Variants in COL4A3 observed in about 807,000 individuals in gnomAD.
COL4A3 encodes the protein collagen type IV alpha 3 chain.
A neutral mutation model predicts 217.4 loss-of-function variants in COL4A3; 135 were observed. That is an observed-to-expected ratio of 0.62 (90% CI 0.54 to 0.72). The LOEUF (loss-of-function observed/expected upper bound fraction) is 0.72. COL4A3 is among the 30% of genes least tolerant of loss of function. The probability of loss-of-function intolerance (pLI) is 0.00; values close to 1 mark genes in which losing one functional copy is unlikely to be tolerated. For missense variants in COL4A3, 1,868 were observed against 2,119.9 expected (o/e 0.88, Z 2.33); for synonymous variants, 690 against 736.3 (o/e 0.94, Z 1.02).
At chr2:227,281,931 TG>T (rs2071990617) in intron 31 of COL4A3, 1 of 152,672 alleles carries the variant, frequency 6.5e-6, no homozygotes, top group South Asian at 2.1e-4. Context: ...CATGCGTAAG[TG>T]TGCAGTTACC....
At chr2:227,302,668 C>G (rs2073337501) in intron 43 of COL4A3, among the ~76,000 whole-genome samples, 1 of 54,400 alleles carries the variant, frequency 1.8e-5, no homozygotes, top group Admixed American at 2.7e-4. Context: ...CAAAACGAGA[C>G]TCTTTCTCCA....
At chr2:227,214,433 C>G (rs2067449905) in intron 1 of COL4A3, among the ~76,000 whole-genome samples, 1 of 152,184 alleles carries the variant, frequency 6.6e-6, no homozygotes, top group African/African-American at 2.4e-5. Context: ...TGTATATTCT[C>G]TGATTTAAAC....
rs112197903 is a variant in COL4A3, at chr2:227,287,717, T to G, written c.2882-1433T>G. On this transcript the variant is annotated intron_variant, in intron 34 of 51. Coordinates refer to ENST00000396578, the MANE Select transcript of COL4A3 (RefSeq NM_000091.5). ...CCTTCTTCACCCAATTAGTTTTCAT[T>G]TGGTCTTCAAGACTGAGCTAAAAAA... is the stretch of plus-strand genomic sequence containing the variant. Among the ~76,000 whole-genome samples the G allele has an allele frequency of 1.2e-3, 181 of 152,328 alleles. 1 individual carries two copies. Among genetic ancestry groups the G allele is most frequent in the African/African-American group, 4.2e-3 (176 of 41,582 alleles).
At chr2:227,254,965 A>C (rs943421563) in intron 15 of COL4A3, among the ~76,000 whole-genome samples, 1 of 152,226 alleles carries the variant, frequency 6.6e-6, no homozygotes, top group Non-Finnish European at 1.5e-5. Flanking sequence ...TTCTCTCTGC[A>C]TATCAGCCTC....
At chr2:227,217,488 C>A (rs1574594426) in intron 1 of COL4A3, among the ~76,000 whole-genome samples, 2 of 152,104 alleles carry the variant, frequency 1.3e-5, no homozygotes, top group Non-Finnish European at 2.9e-5. Context: ...TGACTGTAGT[C>A]CTGTTTTATT....
intron 11 of COL4A3, among the ~76,000 whole-genome samples, chr2:227,252,001 G>A (rs2069769795): frequency 6.8e-6 from 1 of 147,186 alleles, no homozygotes; most frequent in South Asian, 2.2e-4. Context: ...CCTGGGAGTT[G>A]GAGTTTGCAG....
chr2:227,225,865 C>A (rs1256860743), intron 1 of COL4A3, among the ~76,000 whole-genome samples: 4 of 152,034 alleles, frequency 2.6e-5, no homozygotes, highest in Non-Finnish European at 5.9e-5. Flanking sequence ...TTACACTCCA[C>A]CATGCCCGGC....
intron 50 of COL4A3, 134 bp downstream of exon 50, chr2:227,309,452 G>C: frequency 1.4e-6 from 1 of 720,214 alleles, no homozygotes; most frequent in Non-Finnish European, 2.4e-6. Flanking sequence ...ACATTTCCTT[G>C]AAAATCTACA....
chr2:227,167,266 C>T (rs2065311836), intron 1 of COL4A3, among the ~76,000 whole-genome samples: 3 of 152,192 alleles, frequency 2.0e-5, no homozygotes, highest in Admixed American at 1.3e-4. Flanking sequence ...GAAATAGCAG[C>T]GGTGTTGACT....
intron 1 of COL4A3, among the ~76,000 whole-genome samples, chr2:227,184,848 G>A (rs2065969415): frequency 8.3e-6 from 1 of 120,992 alleles, no homozygotes; most frequent in Non-Finnish European, 1.7e-5. Flanking sequence ...CTAAACTTGT[G>A]TATACATTCT....
In COL4A3 at chr2:227,253,970, G is replaced by C; in HGVS notation, c.766-142G>C. ...AAATTTGAAATGTGAGAAATGGAAGGTGTATTGGGTTGTGTTAACACGAGG... is the reference window on the plus strand; with the variant it reads ...AAATTTGAAATGTGAGAAATGGAAGCTGTATTGGGTTGTGTTAACACGAGG... On this transcript the variant is annotated intron_variant, in intron 13 of 51. Transcript: ENST00000396578. This position sits in a 1 kb window ranked among gnomAD's most constrained non-coding sequence, Gnocchi z 4.4. The C allele has an allele frequency of 1.3e-6, 1 of 786,086 alleles. No individual in the cohort carries two copies. The highest frequency in any genetic ancestry group is 2.3e-6 in the Non-Finnish European group (1 of 444,118). The allele number at this position is 786,086 out of a possible 1,614,324, so 48.7% of individuals were successfully genotyped here.
intron 29 of COL4A3, 93 bp downstream of exon 29, chr2:227,279,983 T>C (rs1667568478): frequency 1.3e-6 from 1 of 763,418 alleles, no homozygotes; most frequent in Non-Finnish European, 2.2e-6. Context: ...ACTCTAGATG[T>C]AGAAATGATC....
intron 1 of COL4A3, among the ~76,000 whole-genome samples, chr2:227,218,874 T>C (rs1490044832): frequency 6.6e-6 from 1 of 152,220 alleles, no homozygotes; most frequent in Non-Finnish European, 1.5e-5. Flanking sequence ...GCAGAATTAA[T>C]AAAAATTCTT....
intron 3 of COL4A3, among the ~76,000 whole-genome samples, chr2:227,243,022 A>G (rs1436507291): frequency 6.6e-6 from 1 of 152,220 alleles, no homozygotes; most frequent in Non-Finnish European, 1.5e-5. Flanking sequence ...TTCTATTGGT[A>G]GAACGAGTTT....
chr2:227,169,202 C>A (rs1173495209), intron 1 of COL4A3: 1 of 151,280 alleles, frequency 6.6e-6, no homozygotes, highest in African/African-American at 2.4e-5. Context: ...CATCCATGTC[C>A]CTACAAAGGA....
intron 1 of COL4A3, among the ~76,000 whole-genome samples, chr2:227,178,861 G>A (rs115034733): frequency 0.017 from 2,586 of 151,650 alleles, 83 homozygotes; most frequent in African/African-American, 0.059. Flanking sequence ...ATCCAATGAT[G>A]TTCATCAAAT....
intron 34 of COL4A3, among the ~76,000 whole-genome samples, chr2:227,286,363 G>A (rs371831261): frequency 7.0e-6 from 1 of 143,330 alleles, no homozygotes. Context: ...TGGGCGGGGT[G>A]GGGAGCCTGT....
In COL4A3 at chr2:227,198,445, G is replaced by A. The variant is rs533192284; in HGVS notation, c.87+33632G>A. On this transcript the variant is annotated intron_variant, in intron 1 of 51. Coordinates refer to ENST00000396578, the MANE Select transcript of COL4A3 (RefSeq NM_000091.5). ...TAAACCATTCTGTCAGTAAAGCTGT[G>A]TGTCAAATGAACAAAATTAAGTTGA... Among the ~76,000 whole-genome samples, 4 of 152,284 alleles carry A rather than the reference G, an allele frequency of 2.6e-5. No homozygotes were observed. The South Asian group carries it at 8.3e-4, about 32-fold the overall frequency.
At chr2:227,199,715 C>A (rs76409170) in intron 1 of COL4A3, among the ~76,000 whole-genome samples, 21,757 of 152,138 alleles carry the variant, frequency 0.14, 1,672 homozygotes, top group Non-Finnish European at 0.16. Context: ...ACATTCATAT[C>A]TGTGGCCCCA....
Sources: gnomAD v4.1 joint callset for allele counts (sites outside exome capture counted in the v4.1 genomes callset) on GRCh38, gnomAD v4.1.1 for gene constraint, Gnocchi (gnomAD v3.1) non-coding constraint, MANE v1.5 for transcripts, NCBI Gene and HGNC (gene_info 2026-07-23, HGNC 2026-07-21) for gene names.